The following RABGAP1L variants were observed in gnomAD, a reference collection of about 807,000 sequenced individuals.
RABGAP1L encodes rab GTPase-activating protein 1-like.
RABGAP1L carries 63 observed loss-of-function variants against 137.7 expected under a neutral mutation model. That is an observed-to-expected ratio of 0.46 (90% CI 0.37 to 0.56). RABGAP1L has a LOEUF of 0.56. Ranked by LOEUF, RABGAP1L falls within the 20% of genes least tolerant of loss-of-function variation. The pLI is 0.00. For missense variants in RABGAP1L, 1,095 were observed against 1,244.0 expected (o/e 0.88, Z 1.80); for synonymous variants, 431 against 433.7 (o/e 0.99, Z 0.08).
chr1:174,191,935 T>A (rs922734379), intron 1 of RABGAP1L, among the ~76,000 whole-genome samples: 1 of 152,178 alleles, frequency 6.6e-6, no homozygotes, highest in Non-Finnish European at 1.5e-5. Flanking sequence ...GACTAAAAAT[T>A]GGAATTAGAA....
In RABGAP1L at chr1:174,279,518, G is replaced by A. The variant is rs147404833; in HGVS notation, c.1323+739G>A. Among the ~76,000 whole-genome samples the A allele has an allele frequency of 1.2e-4, 19 of 152,128 alleles. No individual in the cohort carries two copies. In the East Asian group the frequency reaches 2.7e-3, roughly 22 times the overall value. On this transcript the variant is annotated intron_variant, in intron 10 of 25. Coordinates refer to ENST00000681986, the MANE Select transcript of RABGAP1L (RefSeq NM_001366446.1). ...CATATACTATAATATGTGGACTGCT[G>A]TGTGATAAAAGCAGGCACCAGTACA...
intron 15 of RABGAP1L, among the ~76,000 whole-genome samples, chr1:174,687,927 G>A (rs1178000426): frequency 1.3e-5 from 2 of 152,230 alleles, no homozygotes; most frequent in South Asian, 2.1e-4. Flanking sequence ...TAAATAATTA[G>A]CCTCTCCTTG....
At chr1:174,546,464 A>T (rs1430770994) in intron 13 of RABGAP1L, among the ~76,000 whole-genome samples, 3 of 152,220 alleles carry the variant, frequency 2.0e-5, no homozygotes, top group Admixed American at 2.0e-4. Flanking sequence ...TTTTAGTATA[A>T]ACAAAGTTTA....
chr1:174,803,899 C>T (rs1011585118), intron 18 of RABGAP1L, among the ~76,000 whole-genome samples: 1 of 151,884 alleles, frequency 6.6e-6, no homozygotes, highest in East Asian at 1.9e-4. Flanking sequence ...ATGGCAAAAT[C>T]CCATCTCTCC....
chr1:174,783,742 C>T (rs2148773320), intron 18 of RABGAP1L, among the ~76,000 whole-genome samples: 1 of 130,182 alleles, frequency 7.7e-6, no homozygotes, highest in Middle Eastern at 5.8e-3. Context: ...TGGAGCCTCA[C>T]TCTGCCGCCA....
intron 17 of RABGAP1L, among the ~76,000 whole-genome samples, chr1:174,733,369 C>T (rs1682671824): frequency 6.6e-6 from 1 of 152,196 alleles, no homozygotes; most frequent in Non-Finnish European, 1.5e-5. Flanking sequence ...AGATCACAGG[C>T]AGTTCTGCCT....
At chr1:174,351,317 A>C (rs1380134147) in intron 11 of RABGAP1L, among the ~76,000 whole-genome samples, 2 of 152,072 alleles carry the variant, frequency 1.3e-5, no homozygotes, top group Non-Finnish European at 2.9e-5. Context: ...CTTTTCCTTC[A>C]GATTGAAGAA....
At chr1:174,322,111 C>T (rs1680048938) in intron 11 of RABGAP1L, among the ~76,000 whole-genome samples, 2 of 151,970 alleles carry the variant, frequency 1.3e-5, no homozygotes, top group Admixed American at 6.6e-5. Flanking sequence ...CAATTCTTTT[C>T]CTTTATGATT....
chr1:174,540,168 A>G (rs1665256309), intron 13 of RABGAP1L, among the ~76,000 whole-genome samples: 1 of 152,092 alleles, frequency 6.6e-6, no homozygotes, highest in South Asian at 2.1e-4. Flanking sequence ...AATTTGTTTA[A>G]GTTCTTTGTA....
At chr1:174,512,420 G>A (rs1662434855) in intron 13 of RABGAP1L, among the ~76,000 whole-genome samples, 1 of 152,178 alleles carries the variant, frequency 6.6e-6, no homozygotes, top group African/African-American at 2.4e-5. Context: ...AATGTATGGT[G>A]GTAGGTGTTT....
At chr1:174,606,165 A>G (rs1237217592) in intron 13 of RABGAP1L, among the ~76,000 whole-genome samples, 1 of 152,244 alleles carries the variant, frequency 6.6e-6, no homozygotes, top group Non-Finnish European at 1.5e-5. Flanking sequence ...AACATTTTGA[A>G]GACTCCTCAT....
chr1:174,498,404 C>T (rs1660937314), intron 13 of RABGAP1L, among the ~76,000 whole-genome samples: 1 of 152,160 alleles, frequency 6.6e-6, no homozygotes, highest in African/African-American at 2.4e-5. Context: ...GTTATTATTA[C>T]TGTGCGACTT....
At position 174,761,511 on chromosome 1, in the gene RABGAP1L, G is replaced by GCTCACTTCCCAGCAGAGGCTCTC. The variant is rs1411171292; in HGVS notation, c.2211+9170_2211+9192dup. 2.0e-5 allele frequency among the ~76,000 whole-genome samples: 3 copies of GCTCACTTCCCAGCAGAGGCTCTC among 151,558 alleles called. No individual in the cohort carries two copies. The highest frequency in any genetic ancestry group is 1.9e-4 in the East Asian group (1 of 5,158). ...AATGCAGGGGCCGGGGAGAGGCGCT[G>GCTCACTTCCCAGCAGAGGCTCTC]CTCACTTCCCAGCAGAGGCTCTCCT... On this transcript the variant is annotated intron_variant, in intron 18 of 25. Transcript: ENST00000681986. This position sits in a 1 kb window ranked among gnomAD's most constrained non-coding sequence, Gnocchi z 4.0.
chr1:174,958,940 T>G (rs1668851880), intron 20 of RABGAP1L, among the ~76,000 whole-genome samples: 1 of 152,310 alleles, frequency 6.6e-6, no homozygotes, highest in Admixed American at 6.5e-5. Flanking sequence ...CAGCTCATAG[T>G]TGTGTTCAAT....
At chr1:174,573,867 A>G (rs1274746026) in intron 13 of RABGAP1L, among the ~76,000 whole-genome samples, 1 of 152,256 alleles carries the variant, frequency 6.6e-6, no homozygotes, top group Non-Finnish European at 1.5e-5. Context: ...TCTATTAAAG[A>G]AGGATTGTGA....
At chr1:174,987,369 G>A (rs1671683573) in intron 24 of RABGAP1L, among the ~76,000 whole-genome samples, 2 of 152,300 alleles carry the variant, frequency 1.3e-5, no homozygotes, top group Middle Eastern at 3.4e-3. Flanking sequence ...GTTTCACCAT[G>A]TTGGCCAGGA....
At chr1:174,878,473 G>A (rs1030847672) in intron 19 of RABGAP1L, among the ~76,000 whole-genome samples, 2 of 152,076 alleles carry the variant, frequency 1.3e-5, no homozygotes, top group African/African-American at 4.8e-5. Context: ...TGATCCGCCT[G>A]CCTCACCTCC....
At chr1:174,440,329 G>T (rs1416537958) in intron 13 of RABGAP1L, among the ~76,000 whole-genome samples, 2 of 152,170 alleles carry the variant, frequency 1.3e-5, no homozygotes, top group African/African-American at 2.4e-5. Flanking sequence ...AAAATATTTT[G>T]TCTCTTTTGT....
chr1:174,781,852 G>C (rs546690056), intron 18 of RABGAP1L, among the ~76,000 whole-genome samples: 1 of 152,178 alleles, frequency 6.6e-6, no homozygotes, highest in African/African-American at 2.4e-5. Flanking sequence ...TTTTTCTCAG[G>C]TTTGTCAAAG....
Sources: allele counts gnomAD v4.1 joint callset (sites outside exome capture counted in the v4.1 genomes callset), GRCh38; gene constraint gnomAD v4.1.1; non-coding constraint Gnocchi (gnomAD v3.1); transcripts MANE v1.5; gene names NCBI Gene and HGNC (gene_info 2026-07-23, HGNC 2026-07-21).